EFCAB13: variants seen among roughly 807,000 people sequenced by gnomAD.
EFCAB13 encodes the protein EF-hand calcium binding domain 13.
In EFCAB13, 91 loss-of-function variants were observed where a neutral mutation model predicts 110.2. The ratio of observed to expected loss-of-function variants is 0.83; its 90% confidence interval spans 0.70 to 0.98. The LOEUF (loss-of-function observed/expected upper bound fraction) is 0.98, where lower values mean the gene tolerates loss of function less well. Ranked by LOEUF, EFCAB13 falls within the 50% of genes least tolerant of loss-of-function variation. EFCAB13 has a pLI of 0.00. For synonymous variants in EFCAB13, 323 were observed against 369.9 expected, an observed-to-expected ratio of 0.87 and a Z score of 1.45; for missense variants, 968 against 1,119.4, an observed-to-expected ratio of 0.86 and a Z score of 1.93.
chr17:47,364,652 C>G (rs541843862), intron 10 of EFCAB13, among the ~76,000 whole-genome samples: 1 of 152,288 alleles, frequency 6.6e-6, no homozygotes, highest in East Asian at 1.9e-4. Flanking sequence ...TCCTCAGGAC[C>G]ATTGCAGTTC....
intron 17 of EFCAB13, among the ~76,000 whole-genome samples, chr17:47,399,768 T>C: frequency 6.6e-6 from 1 of 151,730 alleles, no homozygotes; most frequent in East Asian, 1.9e-4. Flanking sequence ...AATTAAAAAA[T>C]AATTTTATGA....
rs778169821 is a variant in EFCAB13, at chr17:47,379,265, AT to A, written c.1582+15del. On this transcript the variant is annotated intron_variant, in intron 14 of 24. Coordinates refer to ENST00000331493, the MANE Select transcript of EFCAB13 (RefSeq NM_152347.5). ...TCCTGAATGCAATGGTAGGTAGGAA[AT>A]TTGTTTTAAAATGATTTAGAGGGAA... The A allele has an allele frequency of 4.2e-5, 67 of 1,607,756 alleles. No individual in the cohort carries two copies. Among genetic ancestry groups the A allele is most frequent in the Admixed American group, 1.5e-4 (9 of 59,956 alleles).
At chr17:47,379,607 G>A (rs974703501) in intron 14 of EFCAB13, among the ~76,000 whole-genome samples, 3 of 149,872 alleles carry the variant, frequency 2.0e-5, no homozygotes, top group African/African-American at 7.4e-5. Flanking sequence ...ATACTGGTTT[G>A]GTTCACCTTT....
At chr17:47,342,278 CT>C (rs991458168) in intron 6 of EFCAB13, among the ~76,000 whole-genome samples, 3 of 150,006 alleles carry the variant, frequency 2.0e-5, no homozygotes, top group Non-Finnish European at 4.4e-5. Context: ...TATTTTTTGT[CT>C]TTTTTACTGT....
chr17:47,343,764 TG>T (rs1334202584), intron 6 of EFCAB13, among the ~76,000 whole-genome samples: 2 of 152,162 alleles, frequency 1.3e-5, no homozygotes, highest in East Asian at 3.8e-4. Flanking sequence ...CAAAATTACC[TG>T]TATCATTTGA....
At chr17:47,362,674 G>A (rs546146494) in intron 10 of EFCAB13, among the ~76,000 whole-genome samples, 33 of 152,262 alleles carry the variant, frequency 2.2e-4, no homozygotes, top group African/African-American at 7.7e-4. Flanking sequence ...GTTCCATCCT[G>A]TACACCTGGC....
At chr17:47,419,579 AAAT>A (rs1472890845) in intron 23 of EFCAB13, among the ~76,000 whole-genome samples, 3 of 152,248 alleles carry the variant, frequency 2.0e-5, no homozygotes, top group Non-Finnish European at 2.9e-5. Flanking sequence ...TCCCATCTCT[AAAT>A]AATAATGATG....
chr17:47,344,258 T>C lies in EFCAB13; in HGVS notation c.400T>C (p.Ser134Pro). Reference protein sequence around the residue: ...LPNQYSVHKTSSPLCTSSAIT... With the variant: ...LPNQYSVHKTPSPLCTSSAIT... ...GAATCAGTACAGCGTTCACAAGACT[T>C]CATCACCTCTTTGTACATCTTCTGC... Residue 134 changes from serine (S) to proline (P), a missense_variant, in exon 7 of 25, where the codon TCA becomes CCA. By Grantham distance (74) the Ser-to-Pro change is moderately conservative (BLOSUM62 -1). Transcript: ENST00000331493. 1.9e-6 allele frequency: 3 copies of C among 1,612,778 alleles called. No homozygotes were observed. Among genetic ancestry groups the C allele is most frequent in the Non-Finnish European group, 2.5e-6 (3 of 1,179,070 alleles).
intron 8 of EFCAB13, 23 bp from the exon 9 acceptor site, chr17:47,347,785 A>C: frequency 7.3e-7 from 1 of 1,377,296 alleles, no homozygotes; most frequent in Non-Finnish European, 9.5e-7. Context: ...TAACTAACTA[A>C]ATGTTTTGTT....
intron 5 of EFCAB13, among the ~76,000 whole-genome samples, chr17:47,341,091 G>C (rs865913709): frequency 6.6e-6 from 1 of 152,082 alleles, no homozygotes; most frequent in Middle Eastern, 3.4e-3. Flanking sequence ...TACAACCGTG[G>C]TGATACAATC....
intron 23 of EFCAB13, among the ~76,000 whole-genome samples, chr17:47,420,022 C>T (rs1299704624): frequency 2.6e-5 from 4 of 152,084 alleles, no homozygotes; most frequent in Non-Finnish European, 4.4e-5. Context: ...GTACTGCTGC[C>T]ATCTCGGCTC....
At chr17:47,354,391 T>A (rs1319588468) in intron 9 of EFCAB13, among the ~76,000 whole-genome samples, 3 of 152,174 alleles carry the variant, frequency 2.0e-5, no homozygotes, top group African/African-American at 7.2e-5. Context: ...TTAGATCAAT[T>A]TTTTTTAGAG....
intron 3 of EFCAB13, chr17:47,328,003 G>C: frequency 4.6e-6 from 2 of 430,640 alleles, no homozygotes; most frequent in Non-Finnish European, 4.1e-6. Context: ...TAAATAAACA[G>C]ATGTAATTGG....
intron 9 of EFCAB13, among the ~76,000 whole-genome samples, chr17:47,354,291 C>A (rs944147829): frequency 3.7e-4 from 57 of 152,212 alleles, no homozygotes; most frequent in African/African-American, 1.3e-3. Flanking sequence ...TTGTGGCCTA[C>A]CATATGGTCT....
intron 6 of EFCAB13, 87 bp downstream of exon 6, chr17:47,342,119 T>C: frequency 2.8e-6 from 2 of 720,350 alleles, no homozygotes; most frequent in East Asian, 3.0e-5. Flanking sequence ...AGTCCAAGTG[T>C]TGAAATGTCA....
At position 47,356,467 on chromosome 17, in the gene EFCAB13, C is replaced by A. The variant is rs534338123; in HGVS notation, c.662-4911C>A. Among the ~76,000 whole-genome samples the A allele has an allele frequency of 4.6e-4, 70 of 152,278 alleles. No homozygotes were observed. In the South Asian group the frequency reaches 0.014, roughly 32 times the overall value. On this transcript the variant is annotated intron_variant, in intron 9 of 24. Transcript: ENST00000331493. ...CCTGGACAAGGGGCTTCCTGAGAGC[C>A]AAACTGCAGTAATTGTTATTTCTCT...
chr17:47,419,943 C>CCTCT (rs933917405), intron 23 of EFCAB13, among the ~76,000 whole-genome samples: 7 of 121,600 alleles, frequency 5.8e-5, no homozygotes, highest in Non-Finnish European at 1.3e-4. Context: ...CCTCTCCCTC[C>CCTCT]CTCTCCCCAC....
At chr17:47,398,101 G>T (rs1043508971) in intron 17 of EFCAB13, among the ~76,000 whole-genome samples, 1 of 148,350 alleles carries the variant, frequency 6.7e-6, no homozygotes, top group Admixed American at 6.7e-5. Context: ...CGCCCCGTCC[G>T]GGAGGGAGGT....
chr17:47,363,210 A>G (rs994267155), intron 10 of EFCAB13, among the ~76,000 whole-genome samples: 1 of 152,170 alleles, frequency 6.6e-6, no homozygotes, highest in Non-Finnish European at 1.5e-5. Flanking sequence ...AGCTAGGACT[A>G]TAGGTGTGCA....
Sources: gnomAD v4.1 joint callset for allele counts (sites outside exome capture counted in the v4.1 genomes callset) on GRCh38, gnomAD v4.1.1 for gene constraint, MANE v1.5 for transcripts, NCBI Gene and HGNC (gene_info 2026-07-23, HGNC 2026-07-21) for gene names.